Variants in AHDC1 observed in about 807,000 individuals in gnomAD.
The protein encoded by AHDC1 is transcription factor Gibbin.
Under a neutral mutation model 87.9 loss-of-function variants are expected in AHDC1, and 7 were observed. That is an observed-to-expected ratio of 0.08 (90% CI 0.05 to 0.15). AHDC1 has a LOEUF of 0.15. Ranked by LOEUF, AHDC1 falls within the 10% of genes least tolerant of loss-of-function variation. AHDC1 has a pLI of 1.00. For missense variants in AHDC1, 1,841 were observed against 2,253.2 expected, an observed-to-expected ratio of 0.82 and a Z score of 3.70; for synonymous variants, 1,051 against 1,006.8, an observed-to-expected ratio of 1.04 and a Z score of -0.83.
chr1:27,596,219 C>A (rs1045485460), intron 3 of AHDC1, among the ~76,000 whole-genome samples: 9 of 152,064 alleles, frequency 5.9e-5, no homozygotes, highest in East Asian at 1.9e-4. Context: ...AGCCTGTGCC[C>A]AGGCCCAAGG....
At chr1:27,602,887 G>A (rs1449392884) in intron 3 of AHDC1, among the ~76,000 whole-genome samples, 1 of 151,638 alleles carries the variant, frequency 6.6e-6, no homozygotes, top group Non-Finnish European at 1.5e-5. Flanking sequence ...GGGATTTGGG[G>A]GTTGGAGGGG....
intron 3 of AHDC1, among the ~76,000 whole-genome samples, chr1:27,570,803 A>G (rs951502710): frequency 2.0e-5 from 3 of 152,082 alleles, no homozygotes; most frequent in African/African-American, 7.2e-5. Flanking sequence ...GTATCTTAAT[A>G]CTGCCCAGCA....
chr1:27,549,596 A>G lies in AHDC1; in HGVS notation c.2520T>C (p.Phe840=). The G allele has an allele frequency of 1.2e-6, 2 of 1,613,152 alleles. No individual in the cohort carries two copies. The highest frequency in any genetic ancestry group is 1.7e-6 in the Non-Finnish European group (2 of 1,179,994). The stretch of plus-strand genomic sequence containing the variant: ...AGTCATCCGAATCGAGCAGCGAGCG[A>G]AAGTAGCCGGTGAAGAGGTTTTGGC... ...QERQNLFTGY[F]RSLLDSDDSS... Residue 840 remains phenylalanine (F), a synonymous_variant, in exon 8 of 9, where the codon TTT becomes TTC. Coordinates refer to ENST00000673934, the MANE Select transcript of AHDC1 (RefSeq NM_001371928.1).
At chr1:27,569,222 T>C (rs922026028) in intron 3 of AHDC1, among the ~76,000 whole-genome samples, 1 of 152,072 alleles carries the variant, frequency 6.6e-6, no homozygotes, top group South Asian at 2.1e-4. Flanking sequence ...GACTGCCAGC[T>C]GCAATCCTGG....
chr1:27,586,889 C>A (rs553752131), intron 3 of AHDC1, among the ~76,000 whole-genome samples: 1 of 152,314 alleles, frequency 6.6e-6, no homozygotes. Context: ...AAAGAGGCAC[C>A]CTGGTCCTCT....
intron 8 of AHDC1, among the ~76,000 whole-genome samples, chr1:27,544,200 A>C (rs938767475): frequency 1.1e-4 from 16 of 152,148 alleles, no homozygotes; most frequent in African/African-American, 3.1e-4. Context: ...GACACACCCC[A>C]CCTCATAGTC....
At chr1:27,570,315 C>T (rs2020512073) in intron 3 of AHDC1, among the ~76,000 whole-genome samples, 1 of 152,060 alleles carries the variant, frequency 6.6e-6, no homozygotes, top group South Asian at 2.1e-4. Flanking sequence ...TCCCACACCC[C>T]TCCAGACCAT....
chr1:27,585,620 G>T (rs975820046), intron 3 of AHDC1, among the ~76,000 whole-genome samples: 5 of 152,164 alleles, frequency 3.3e-5, no homozygotes, highest in Non-Finnish European at 7.3e-5. Context: ...GACACACAAG[G>T]AAACGGGAAG....
rs748758659 is a variant in AHDC1, at chr1:27,550,870, G to A, written c.1246C>T (p.Leu416=). The A allele has an allele frequency of 1.9e-6, 3 of 1,581,484 alleles. No individual in the cohort carries two copies. The African/African-American group carries it at 4.0e-5, about 21-fold the overall frequency. ...DAGPEGRLLP[L]PMPTGLVAAL... ...GCCACCAGCCCCGTGGGCATAGGCAGGGGCAGTAGGCGGCCCTCGGGTCCG... is the reference window on the plus strand; with the variant it reads ...GCCACCAGCCCCGTGGGCATAGGCAAGGGCAGTAGGCGGCCCTCGGGTCCG... Residue 416 remains leucine (L), a synonymous_variant, in exon 8 of 9, where the codon CTG becomes TTG. Coordinates refer to ENST00000673934, the MANE Select transcript of AHDC1 (RefSeq NM_001371928.1).
intron 3 of AHDC1, among the ~76,000 whole-genome samples, chr1:27,602,017 G>A (rs935960924): frequency 4.6e-5 from 7 of 152,208 alleles, no homozygotes; most frequent in Non-Finnish European, 1.0e-4. Flanking sequence ...GACAGGCACA[G>A]GCCCCCCAAG....
intron 3 of AHDC1, among the ~76,000 whole-genome samples, chr1:27,586,461 C>T (rs998934663): frequency 6.6e-6 from 1 of 152,064 alleles, no homozygotes; most frequent in Non-Finnish European, 1.5e-5. Flanking sequence ...GAGGAGCCAG[C>T]GGCAGTAGGT....
In AHDC1 at chr1:27,547,879, G is replaced by A. The variant is rs777716141; in HGVS notation, c.4237C>T (p.Arg1413Trp). ...SPTLGFKEEL[R>W]PPPTKLAACE... is the part of the protein sequence containing the mutation. ...GCAGCCAGCTTTGTGGGCGGTGGCC[G>A]CAGCTCTTCCTTGAAGCCCAGTGTA... is the stretch of plus-strand genomic sequence containing the variant. The change falls in exon 8 of 9, where the codon CGG (arginine) becomes TGG (tryptophan). Residue 1413 changes from arginine to tryptophan, a missense_variant. Physicochemically the swap from Arg to Trp is moderately radical, Grantham distance 101 (BLOSUM62 -3). Transcript: ENST00000673934. This position sits in a 1 kb window ranked among gnomAD's most constrained non-coding sequence, Gnocchi z 4.9. 46 of 1,551,986 alleles carry A rather than the reference G, an allele frequency of 3.0e-5. No individual in the cohort carries two copies. Among genetic ancestry groups the A allele is most frequent in the Non-Finnish European group, 3.7e-5 (42 of 1,146,190 alleles).
intron 3 of AHDC1, among the ~76,000 whole-genome samples, chr1:27,588,963 T>TG (rs899541098): frequency 6.6e-5 from 10 of 151,710 alleles, no homozygotes; most frequent in Admixed American, 4.6e-4. Flanking sequence ...AAACTATGTA[T>TG]GGGGGGGCTG....
Position 27,565,563 on chromosome 1 carries a change from G to A in AHDC1, c.-628-6680C>T, listed in dbSNP as rs369743968. Among the ~76,000 whole-genome samples the A allele has an allele frequency of 5.3e-5, 8 of 152,156 alleles. No homozygotes were observed. The South Asian group carries it at 8.3e-4, about 16-fold the overall frequency. ...ACAAACATTCTGTCTGGTGTCCCCC[G>A]GCGCTGGTGAGCAAGGGGCGGGAGT... On this transcript the variant is annotated intron_variant, in intron 3 of 8. Coordinates refer to ENST00000673934, the MANE Select transcript of AHDC1 (RefSeq NM_001371928.1). The surrounding 1 kb of genome is among the most constrained non-coding windows in gnomAD (Gnocchi z 4.6).
chr1:27,543,228 C>T (rs942381305), intron 8 of AHDC1, among the ~76,000 whole-genome samples: 4 of 152,238 alleles, frequency 2.6e-5, no homozygotes, highest in African/African-American at 9.6e-5. Context: ...GAATCCTGAA[C>T]ACCTTGGAGG....
rs111827498 is a variant in AHDC1, at chr1:27,549,006, AAGG to A, written c.3107_3109del (p.Ser1036del). On this transcript the variant is annotated inframe_deletion, in exon 8 of 9. Transcript: ENST00000673934. ...GGGGGCCCCCTCAGAGCTGCTGAAG[AAGG>A]AGGCCTTGCTTGGTGGCAGGCAGGG... 8,358 of 1,574,302 alleles carry A rather than the reference AAGG, an allele frequency of 5.3e-3. 259 individuals carry two copies. In the African/African-American group the frequency reaches 0.078, roughly 15 times the overall value.
intron 5 of AHDC1, among the ~76,000 whole-genome samples, chr1:27,553,995 G>T (rs926832462): frequency 6.6e-6 from 1 of 152,192 alleles, no homozygotes; most frequent in African/African-American, 2.4e-5. Context: ...AGCCCAGGAG[G>T]TTGAGGCTGG....
chr1:27,586,942 AC>A (rs984750247), intron 3 of AHDC1, among the ~76,000 whole-genome samples: 2 of 151,340 alleles, frequency 1.3e-5, no homozygotes, highest in African/African-American at 4.9e-5. Context: ...TCTCGGCAAG[AC>A]CCCCCTCTTC....
intron 8 of AHDC1, among the ~76,000 whole-genome samples, chr1:27,535,540 A>G (rs1265104093): frequency 6.6e-6 from 1 of 152,208 alleles, no homozygotes; most frequent in Non-Finnish European, 1.5e-5. Context: ...GCAGGGCCTC[A>G]GCACACAGCA....
Sources: gnomAD v4.1 joint callset for allele counts (sites outside exome capture counted in the v4.1 genomes callset) on GRCh38, gnomAD v4.1.1 for gene constraint, Gnocchi (gnomAD v3.1) non-coding constraint, MANE v1.5 for transcripts, NCBI Gene and HGNC (gene_info 2026-07-23, HGNC 2026-07-21) for gene names.